Variants in WNT7B observed in about 807,000 individuals in gnomAD.
The protein encoded by WNT7B is Wnt family member 7B, also known as protein Wnt-7b.
In WNT7B, 19 loss-of-function variants were observed where a neutral mutation model predicts 38.2. That is an observed-to-expected ratio of 0.50 (90% CI 0.35 to 0.73). The LOEUF is 0.73. WNT7B is among the 30% of genes least tolerant of loss of function. The pLI, the probability that WNT7B is intolerant of heterozygous loss-of-function variation, is 0.01. For synonymous variants in WNT7B, 243 were observed against 209.3 expected (o/e 1.16, Z -1.39); for missense variants, 423 against 507.9 (o/e 0.83, Z 1.61).
chr22:45,963,870 C>T (rs1342578981), intron 1 of WNT7B, among the ~76,000 whole-genome samples: 3 of 152,176 alleles, frequency 2.0e-5, no homozygotes, highest in Non-Finnish European at 2.9e-5. Flanking sequence ...AGGCATCACA[C>T]CGCACACCCT....
At chr22:45,926,672 C>T in intron 3 of WNT7B, 1 of 984,452 alleles carries the variant, frequency 1.0e-6, no homozygotes, top group South Asian at 4.7e-5. Context: ...TTCCACAGCA[C>T]CTCCCATGCT....
Position 45,922,701 on chromosome 22 carries a change from G to T in WNT7B, c.*155C>A. 8.0e-7 allele frequency: 1 copy of T among 1,243,916 alleles called. No homozygotes were observed. Among genetic ancestry groups the T allele is most frequent in the Non-Finnish European group, 1.1e-6 (1 of 921,744 alleles). 77.1% of individuals were successfully genotyped at this position (1,243,916 alleles called of 1,614,324 possible). A position where few individuals can be genotyped will look rare whatever the true frequency, so the allele number is the denominator to read the frequency against. The stretch of plus-strand genomic sequence containing the variant: ...AGCCCCAGGGAGGCGGGCAGAGGGC[G>T]TGGGCCCCGGCCGGTGCCCTCCTGC... On this transcript the variant is annotated 3_prime_UTR_variant, in exon 4 of 4. Transcript: ENST00000339464.
chr22:45,939,344 C>A (rs1015316383), intron 2 of WNT7B, among the ~76,000 whole-genome samples: 2 of 152,194 alleles, frequency 1.3e-5, no homozygotes, highest in Admixed American at 1.3e-4. Flanking sequence ...CAGAAGTATT[C>A]ATAGCATCCT....
At chr22:45,946,249 G>A (rs935203185) in intron 2 of WNT7B, among the ~76,000 whole-genome samples, 1 of 152,184 alleles carries the variant, frequency 6.6e-6, no homozygotes, top group South Asian at 2.1e-4. Context: ...AAGTGCTCTC[G>A]GCTTTCTGGC....
chr22:45,924,928 C>A (rs541942864), intron 3 of WNT7B, among the ~76,000 whole-genome samples: 1 of 131,590 alleles, frequency 7.6e-6, no homozygotes, highest in African/African-American at 3.0e-5. Flanking sequence ...CAGGTGGGTG[C>A]TGGGTGGGCC....
chr22:45,974,649 G>T (rs1601745993), intron 1 of WNT7B, among the ~76,000 whole-genome samples: 1 of 152,132 alleles, frequency 6.6e-6, no homozygotes, highest in South Asian at 2.1e-4. Flanking sequence ...GGGGCCCTGG[G>T]TGGGGCCTGA....
intron 1 of WNT7B, among the ~76,000 whole-genome samples, chr22:45,964,006 TGA>T (rs1226696787): frequency 6.6e-6 from 1 of 152,060 alleles, no homozygotes. Flanking sequence ...AGGCAGGTTC[TGA>T]GAGAGAGCAG....
chr22:45,934,816 C>T (rs953782350), intron 2 of WNT7B, among the ~76,000 whole-genome samples: 1 of 152,244 alleles, frequency 6.6e-6, no homozygotes, highest in African/African-American at 2.4e-5. Context: ...GCCAAACCCT[C>T]TGGTCTCTCG....
chr22:45,948,077 A>T (rs1158104908), intron 2 of WNT7B, among the ~76,000 whole-genome samples: 1 of 152,208 alleles, frequency 6.6e-6, no homozygotes, highest in Non-Finnish European at 1.5e-5. Flanking sequence ...CTCCTGGCGC[A>T]GCGAGGCAGC....
intron 2 of WNT7B, among the ~76,000 whole-genome samples, chr22:45,936,396 GTC>G (rs1447048516): frequency 6.6e-6 from 1 of 152,238 alleles, no homozygotes; most frequent in Non-Finnish European, 1.5e-5. Context: ...AGACCGAGGT[GTC>G]TGTCTGTGCT....
At chr22:45,927,395 C>T (rs1299218727) in intron 3 of WNT7B, 2 of 1,523,142 alleles carry the variant, frequency 1.3e-6, no homozygotes, top group Admixed American at 2.0e-5. Context: ...GCCCATCTCA[C>T]TCTTGCCCAT....
intron 2 of WNT7B, among the ~76,000 whole-genome samples, chr22:45,941,702 G>T (rs1044617929): frequency 6.6e-6 from 1 of 152,034 alleles, no homozygotes; most frequent in Non-Finnish European, 1.5e-5. Flanking sequence ...CTCAAGCCTG[G>T]CCCCGCGAAG....
chr22:45,930,404 G>C lies in WNT7B; in HGVS notation c.570+694C>G, dbSNP rs368241064. On this transcript the variant is annotated intron_variant, in intron 3 of 3. Coordinates refer to ENST00000339464, the MANE Select transcript of WNT7B (RefSeq NM_058238.3). ...GCCCCCAGGCCTCGGAGCCGGAGCC[G>C]GCTGGGCGTTCCACTTGGCTGGCCA... Among the ~76,000 whole-genome samples, 10 of 148,366 alleles carry C rather than the reference G, an allele frequency of 6.7e-5. No individual in the cohort carries two copies. The East Asian group carries it at 7.7e-4, about 11-fold the overall frequency.
chr22:45,970,014 C>T (rs1569126378), intron 1 of WNT7B, among the ~76,000 whole-genome samples: 1 of 152,236 alleles, frequency 6.6e-6, no homozygotes, highest in Non-Finnish European at 1.5e-5. Context: ...CCAAGGTCTT[C>T]TCACTTTGCA....
In WNT7B at chr22:45,943,954, C is replaced by T. The variant is rs1931733723; in HGVS notation, c.298+5966G>A. Reference sequence around the variant, plus strand: ...GTGGCCCAGGGCTCTGGAGCCTTTGCCCACGGAACCCACGTGGGAAGCTCT... The same window carrying T: ...GTGGCCCAGGGCTCTGGAGCCTTTGTCCACGGAACCCACGTGGGAAGCTCT... On this transcript the variant is annotated intron_variant, in intron 2 of 3. Transcript: ENST00000339464. Among the ~76,000 whole-genome samples, 4 of 152,250 alleles carry T rather than the reference C, an allele frequency of 2.6e-5. No homozygotes were observed. In the South Asian group the frequency reaches 8.3e-4, roughly 32 times the overall value.
Position 45,951,458 on chromosome 22 carries a change from C to T in WNT7B, c.72-1312G>A, listed in dbSNP as rs141638836. Among the ~76,000 whole-genome samples the T allele has an allele frequency of 5.7e-3, 861 of 152,220 alleles. 12 individuals carry two copies. Among genetic ancestry groups the T allele is most frequent in the African/African-American group, 0.02 (825 of 41,522 alleles). ...GTGTACAGTTCTGTGGCATTTAATA[C>T]ATTCGGTGTTGTGCAACCTCCAGCA... On this transcript the variant is annotated intron_variant, in intron 1 of 3. Coordinates refer to ENST00000339464, the MANE Select transcript of WNT7B (RefSeq NM_058238.3). This position sits in a 1 kb window ranked among gnomAD's most constrained non-coding sequence, Gnocchi z 4.8.
intron 3 of WNT7B, among the ~76,000 whole-genome samples, chr22:45,927,957 G>A (rs1336825575): frequency 6.6e-6 from 1 of 152,250 alleles, no homozygotes; most frequent in East Asian, 1.9e-4. Flanking sequence ...AAGACAGGCA[G>A]GGGCTGGAGG....
chr22:45,943,348 C>T (rs995829622), intron 2 of WNT7B, among the ~76,000 whole-genome samples: 5 of 152,260 alleles, frequency 3.3e-5, no homozygotes, highest in Admixed American at 1.3e-4. Context: ...CGCCGGCGCC[C>T]GTGCGCCCGA....
intron 2 of WNT7B, among the ~76,000 whole-genome samples, chr22:45,943,837 T>C (rs1041320260): frequency 1.3e-5 from 2 of 151,888 alleles, no homozygotes; most frequent in Non-Finnish European, 1.5e-5. Flanking sequence ...GCGGCAGGAG[T>C]TGGGCTGAGT....
Sources: gnomAD v4.1 joint callset for allele counts (sites outside exome capture counted in the v4.1 genomes callset) on GRCh38, gnomAD v4.1.1 for gene constraint, Gnocchi (gnomAD v3.1) non-coding constraint, MANE v1.5 for transcripts, NCBI Gene and HGNC (gene_info 2026-07-23, HGNC 2026-07-21) for gene names.